MRTFB: variants seen among roughly 807,000 people sequenced by gnomAD.
MRTFB encodes myocardin related transcription factor B.
Under a neutral mutation model 104.2 loss-of-function variants are expected in MRTFB, and 29 were observed. The ratio of observed to expected loss-of-function variants is 0.28; its 90% CI spans 0.21 to 0.38. The LOEUF is 0.38. Among genes scored for constraint, MRTFB ranks in the 10% least tolerant of loss-of-function variants. MRTFB has a pLI of 1.00. For missense variants in MRTFB, 1,270 were observed against 1,341.6 expected, an observed-to-expected ratio of 0.95 and a Z score of 0.83; for synonymous variants, 535 against 519.5, an observed-to-expected ratio of 1.03 and a Z score of -0.41.
chr16:14,195,302 T>C (rs1421920691), intron 3 of MRTFB, among the ~76,000 whole-genome samples: 1 of 152,224 alleles, frequency 6.6e-6, no homozygotes, highest in Non-Finnish European at 1.5e-5. Flanking sequence ...CTCTATGCTG[T>C]GCATGGCTGC....
At position 14,219,094 on chromosome 16, in the gene MRTFB, A is replaced by G. The variant is rs543146716; in HGVS notation, c.693+96A>G. On this transcript the variant is annotated intron_variant, in intron 8 of 16. Transcript: ENST00000571589. ...ACACTTTGACCAGAAGAAAATTCTG[A>G]ATTGAATTTAAATTGATTTATTAAG... The G allele has an allele frequency of 3.3e-6, 4 of 1,209,960 alleles. No homozygotes were observed. In the African/African-American group the frequency reaches 4.9e-5, roughly 15 times the overall value. 75.0% of individuals were successfully genotyped at this position (1,209,960 alleles called of 1,614,324 possible). A position where few individuals can be genotyped will look rare whatever the true frequency, so the allele number is the denominator to read the frequency against.
the MRTFB span, among the ~76,000 whole-genome samples, chr16:14,002,047 G>C: frequency 2.6e-5 from 4 of 152,158 alleles, no homozygotes; most frequent in South Asian, 2.1e-4. Context: ...GGTTGCTCTC[G>C]CTCGCTGTAA....
the MRTFB span, among the ~76,000 whole-genome samples, chr16:14,024,813 G>A: frequency 1.4e-4 from 22 of 152,132 alleles, no homozygotes; most frequent in African/African-American, 4.6e-4. Context: ...TATGAGTCAG[G>A]GTCTGTTTTT....
intron 8 of MRTFB, among the ~76,000 whole-genome samples, chr16:14,233,781 CAA>C (rs1007606658): frequency 1.6e-4 from 8 of 49,994 alleles, no homozygotes; most frequent in African/African-American, 4.2e-4. Context: ...GACTCCCTCT[CAA>C]AAAAAAAAAA....
At chr16:14,244,828 T>G (rs374295749) in intron 10 of MRTFB, among the ~76,000 whole-genome samples, 1 of 152,240 alleles carries the variant, frequency 6.6e-6, no homozygotes, top group African/African-American at 2.4e-5. Context: ...ATTACAGATA[T>G]GTTGTCCTGC....
the MRTFB span, among the ~76,000 whole-genome samples, chr16:14,056,681 T>G: frequency 6.6e-6 from 1 of 152,228 alleles, no homozygotes; most frequent in South Asian, 2.1e-4. Context: ...TGGAGAATCC[T>G]TGCTGCTGGA....
Position 14,217,247 on chromosome 16 carries a change from C to T in MRTFB, c.474C>T (p.Asn158=), listed in dbSNP as rs1463507214. 10 of 1,613,444 alleles carry T rather than the reference C, an allele frequency of 6.2e-6. No homozygotes were observed. The highest frequency in any genetic ancestry group is 1.6e-4 in the Middle Eastern group (1 of 6,082). ...RPGPMELVEK[N]ILPVDSSVKE... ...GTCCTATGGAGCTGGTAGAGAAAAACATCCTTCCTGTGGACTCCAGTGTTA... is the reference window on the plus strand; with the variant it reads ...GTCCTATGGAGCTGGTAGAGAAAAATATCCTTCCTGTGGACTCCAGTGTTA... Residue 158 remains asparagine (N), a synonymous_variant, in exon 7 of 17, where the codon AAC becomes AAT. Coordinates refer to ENST00000571589, the MANE Select transcript of MRTFB (RefSeq NM_001308142.2).
chr16:14,133,137 C>T (rs2037525658), intron 2 of MRTFB, among the ~76,000 whole-genome samples: 1 of 152,120 alleles, frequency 6.6e-6, no homozygotes, highest in African/African-American at 2.4e-5. Flanking sequence ...TTTAAAGAAG[C>T]AAAAACTCGA....
intron 13 of MRTFB, among the ~76,000 whole-genome samples, chr16:14,251,399 A>T (rs1291000503): frequency 6.7e-6 from 1 of 149,608 alleles, no homozygotes; most frequent in Non-Finnish European, 1.5e-5. Context: ...AAAAAAAAAA[A>T]GACTTGAGAG....
intron 15 of MRTFB, among the ~76,000 whole-genome samples, chr16:14,256,456 G>A (rs1488743163): frequency 6.6e-6 from 1 of 152,198 alleles, no homozygotes; most frequent in Non-Finnish European, 1.5e-5. Flanking sequence ...AGGTGATGGT[G>A]TGTGACTCCA....
chr16:14,131,977 A>C (rs2037463547), intron 2 of MRTFB, among the ~76,000 whole-genome samples: 1 of 152,212 alleles, frequency 6.6e-6, no homozygotes. Context: ...AAAACGTGTG[A>C]ACTCATTCCA....
intron 2 of MRTFB, among the ~76,000 whole-genome samples, chr16:14,138,087 A>G (rs1253183980): frequency 6.6e-6 from 1 of 152,118 alleles, no homozygotes; most frequent in African/African-American, 2.4e-5. Flanking sequence ...ACTTAAAGTT[A>G]AAATTACACT....
the MRTFB span, among the ~76,000 whole-genome samples, chr16:14,017,143 A>G: frequency 1.4e-4 from 19 of 139,390 alleles, no homozygotes; most frequent in East Asian, 2.7e-3. Flanking sequence ...TACAAGCTCC[A>G]CCTCCCGGGT....
Position 14,166,216 on chromosome 16 carries a change from TC to T in MRTFB, c.154+25457del, listed in dbSNP as rs1231644794. Among the ~76,000 whole-genome samples the T allele has an allele frequency of 3.1e-3, 429 of 139,790 alleles. 9 individuals are homozygous for T. The highest frequency in any genetic ancestry group is 0.012 in the African/African-American group (411 of 33,128). 91.7% of individuals were successfully genotyped at this position (139,790 alleles called of 152,430 possible). A position where few individuals can be genotyped will look rare whatever the true frequency, so the allele number is the denominator to read the frequency against. On this transcript the variant is annotated intron_variant, in intron 3 of 16. Transcript: ENST00000571589. Reference sequence around the variant, plus strand: ...TTTTGGTTTTGTGTGGGTTTTCTTTTCTTTTTTTTTTTTTTTTTTGCCAACA... The same window carrying T: ...TTTTGGTTTTGTGTGGGTTTTCTTTTTTTTTTTTTTTTTTTTTTGCCAACA...
At chr16:14,197,121 A>G (rs554222743) in intron 3 of MRTFB, among the ~76,000 whole-genome samples, 2 of 151,074 alleles carry the variant, frequency 1.3e-5, no homozygotes, top group South Asian at 2.1e-4. Context: ...TGGGATTACA[A>G]TCGTGCCCCA....
At chr16:14,051,287 G>C in the MRTFB span, among the ~76,000 whole-genome samples, 2 of 151,078 alleles carry the variant, frequency 1.3e-5, no homozygotes, top group South Asian at 4.2e-4. Flanking sequence ...CACTCATATA[G>C]ACACACACCA....
intron 8 of MRTFB, among the ~76,000 whole-genome samples, chr16:14,225,497 C>A (rs1356006525): frequency 6.6e-6 from 1 of 152,118 alleles, no homozygotes; most frequent in Non-Finnish European, 1.5e-5. Flanking sequence ...TCCGTAGAAT[C>A]TGTGAACAGG....
intron 1 of MRTFB, among the ~76,000 whole-genome samples, chr16:14,075,796 C>T (rs1225488155): frequency 2.6e-5 from 4 of 152,176 alleles, no homozygotes; most frequent in Admixed American, 6.5e-5. Flanking sequence ...TGGTGATGGC[C>T]ACACTAAAAT....
chr16:14,164,676 C>G (rs997699536), intron 3 of MRTFB, among the ~76,000 whole-genome samples: 4 of 152,130 alleles, frequency 2.6e-5, no homozygotes, highest in African/African-American at 9.7e-5. Flanking sequence ...TGCATTGTCC[C>G]ATTTAATCCT....
Sources: allele counts gnomAD v4.1 joint callset (sites outside exome capture counted in the v4.1 genomes callset), GRCh38; gene constraint gnomAD v4.1.1; transcripts MANE v1.5; gene names NCBI Gene and HGNC (gene_info 2026-07-23, HGNC 2026-07-21).